The following EBF1 variants were observed in gnomAD, a reference collection of about 807,000 sequenced individuals.
EBF1 encodes EBF transcription factor 1.
A neutral mutation model predicts 68.4 loss-of-function variants in EBF1; 10 were observed. The ratio of observed to expected loss-of-function variants is 0.15; its 90% CI spans 0.09 to 0.25. The LOEUF (loss-of-function observed/expected upper bound fraction) is 0.25, where lower values mean the gene tolerates loss of function less well. EBF1 is among the 10% of genes least tolerant of loss of function. The pLI is 1.00. For missense variants in EBF1, 509 were observed against 794.4 expected, an observed-to-expected ratio of 0.64 and a Z score of 4.32; for synonymous variants, 298 against 299.8, an observed-to-expected ratio of 0.99 and a Z score of 0.06.
At chr5:159,033,199 T>A (rs967964797) in intron 6 of EBF1, among the ~76,000 whole-genome samples, 4 of 152,214 alleles carry the variant, frequency 2.6e-5, no homozygotes, top group African/African-American at 4.8e-5. Flanking sequence ...TGCACACGTT[T>A]ACCCGCTTTG....
At chr5:158,857,649 A>G (rs1336249390) in intron 6 of EBF1, among the ~76,000 whole-genome samples, 3 of 152,194 alleles carry the variant, frequency 2.0e-5, no homozygotes, top group Non-Finnish European at 2.9e-5. Context: ...CCATTCACCA[A>G]GAGTTTCATG....
intron 6 of EBF1, among the ~76,000 whole-genome samples, chr5:159,064,899 CTTTTTTTTTTT>C (rs57256923): frequency 2.9e-5 from 2 of 67,912 alleles, no homozygotes; most frequent in Non-Finnish European, 5.1e-5. Context: ...CTCTTTTCAT[CTTTTTTTTTTT>C]TTTTTTTTTT....
chr5:158,823,879 A>G (rs1194925735), intron 7 of EBF1, among the ~76,000 whole-genome samples: 2 of 151,822 alleles, frequency 1.3e-5, no homozygotes, highest in African/African-American at 4.8e-5. Context: ...CACTACTATT[A>G]CCATCACCCC....
rs762377402 is a variant in EBF1 at position 159,099,481 on chromosome 5, A to G, written c.-3T>C. ...ATGCTTTCCTGAATCCCAAACATGA[A>G]AACAACCTTTTCTTGTGGAAAATCT... On this transcript the variant is annotated 5_prime_UTR_variant, in exon 1 of 16. Coordinates refer to ENST00000313708, the MANE Select transcript of EBF1 (RefSeq NM_024007.5). 2.6e-6 allele frequency: 4 copies of G among 1,545,352 alleles called. No homozygotes were observed. The highest frequency in any genetic ancestry group is 1.2e-5 in the South Asian group (1 of 82,214).
chr5:158,726,011 G>A (rs1052129823), intron 11 of EBF1, among the ~76,000 whole-genome samples: 7 of 152,090 alleles, frequency 4.6e-5, no homozygotes, highest in Admixed American at 2.0e-4. Context: ...CAAAGTGCAG[G>A]AAAATTTAAG....
At chr5:158,880,381 G>A (rs1277871126) in intron 6 of EBF1, among the ~76,000 whole-genome samples, 2 of 152,110 alleles carry the variant, frequency 1.3e-5, no homozygotes, top group Non-Finnish European at 2.9e-5. Flanking sequence ...AGGGTCAGTT[G>A]GAAATGCGGA....
At chr5:158,931,293 T>A (rs187683612) in intron 6 of EBF1, among the ~76,000 whole-genome samples, 4 of 152,344 alleles carry the variant, frequency 2.6e-5, no homozygotes. Flanking sequence ...CCACACTTAT[T>A]TACTGACTAC....
At chr5:159,052,741 C>T (rs1447709429) in intron 6 of EBF1, among the ~76,000 whole-genome samples, 1 of 152,230 alleles carries the variant, frequency 6.6e-6, no homozygotes, top group African/African-American at 2.4e-5. Flanking sequence ...ACTGCCTCCT[C>T]AGTGGTCCGT....
chr5:158,930,260 GTTTTT>G (rs1007919859), intron 6 of EBF1, among the ~76,000 whole-genome samples: 1 of 99,020 alleles, frequency 1.0e-5, no homozygotes, highest in Admixed American at 9.6e-5. Flanking sequence ...TAGTTTTTTT[GTTTTT>G]TTTTTTGTTT....
At chr5:158,906,374 T>C (rs989920340) in intron 6 of EBF1, among the ~76,000 whole-genome samples, 2 of 146,824 alleles carry the variant, frequency 1.4e-5, no homozygotes, top group Admixed American at 6.8e-5. Context: ...CAATCATACA[T>C]ACAAAAAAAG....
chr5:158,747,152 T>A (rs1393827945), intron 10 of EBF1, among the ~76,000 whole-genome samples: 1 of 152,160 alleles, frequency 6.6e-6, no homozygotes, highest in East Asian at 1.9e-4. Context: ...GTGACCAGTG[T>A]AAGATCAACA....
intron 15 of EBF1, among the ~76,000 whole-genome samples, chr5:158,703,033 G>T (rs1412548278): frequency 1.3e-5 from 2 of 152,146 alleles, no homozygotes; most frequent in Non-Finnish European, 2.9e-5. Context: ...CATGGCTAAG[G>T]TTTAGAATCA....
At chr5:158,851,570 GGGAAGGGGAGGGAAA>G (rs1792719848) in intron 6 of EBF1, among the ~76,000 whole-genome samples, 3 of 21,894 alleles carry the variant, frequency 1.4e-4, no homozygotes, top group Non-Finnish European at 2.2e-4. Context: ...GAGGGAAAAA[GGGAAGGGGAGGGAAA>G]AAGGGAAGGG....
chr5:158,854,218 G>C (rs915391893), intron 6 of EBF1, among the ~76,000 whole-genome samples: 3 of 152,316 alleles, frequency 2.0e-5, no homozygotes, highest in East Asian at 1.9e-4. Flanking sequence ...GCAAGACTAG[G>C]GCAGGGTCAC....
chr5:158,727,581 C>T (rs1241790277), intron 11 of EBF1, among the ~76,000 whole-genome samples: 2 of 152,176 alleles, frequency 1.3e-5, no homozygotes, highest in Non-Finnish European at 2.9e-5. Flanking sequence ...GATTTAAAAA[C>T]CTTAGCCTGC....
chr5:159,084,819 C>G, intron 4 of EBF1, 80 bp from the exon 5 acceptor site: 2 of 1,267,882 alleles, frequency 1.6e-6, no homozygotes, highest in Non-Finnish European at 2.1e-6. Context: ...GAGTTCTTAA[C>G]CACTTCACCA....
intron 6 of EBF1, among the ~76,000 whole-genome samples, chr5:159,064,482 G>T (rs1471275537): frequency 1.3e-5 from 2 of 152,156 alleles, no homozygotes; most frequent in Non-Finnish European, 2.9e-5. Context: ...CTGTCAAATG[G>T]AGTCAATTTG....
At chr5:159,098,097 A>G (rs1391423199) in intron 1 of EBF1, among the ~76,000 whole-genome samples, 1 of 152,216 alleles carries the variant, frequency 6.6e-6, no homozygotes, top group African/African-American at 2.4e-5. Flanking sequence ...GAAGCTGGAG[A>G]TGATGTAATT....
At chr5:159,011,343 G>GC (rs1259532164) in intron 6 of EBF1, among the ~76,000 whole-genome samples, 1 of 152,168 alleles carries the variant, frequency 6.6e-6, no homozygotes, top group Non-Finnish European at 1.5e-5. Flanking sequence ...TCTCTGCTGT[G>GC]CAGGTCCCAC....
Sources: allele counts gnomAD v4.1 joint callset (sites outside exome capture counted in the v4.1 genomes callset), GRCh38; gene constraint gnomAD v4.1.1; transcripts MANE v1.5; gene names NCBI Gene and HGNC (gene_info 2026-07-23, HGNC 2026-07-21).